Variants in MAP3K5 observed in about 807,000 individuals in gnomAD.
MAP3K5 encodes the protein mitogen-activated protein kinase kinase kinase 5, also known as ASK-1.
In MAP3K5, 56 loss-of-function variants were observed where a neutral mutation model predicts 158.7. The observed-to-expected ratio is 0.35, with a 90% CI of 0.28 to 0.44. MAP3K5 has a LOEUF of 0.44. MAP3K5 is among the 20% of genes least tolerant of loss of function. The pLI is 1.00. For synonymous variants in MAP3K5, 579 were observed against 601.7 expected, an observed-to-expected ratio of 0.96 and a Z score of 0.55; for missense variants, 1,294 against 1,674.8, an observed-to-expected ratio of 0.77 and a Z score of 3.97.
At chr6:136,665,046 G>A (rs368977000) in intron 8 of MAP3K5, among the ~76,000 whole-genome samples, 1 of 152,190 alleles carries the variant, frequency 6.6e-6, no homozygotes, top group East Asian at 1.9e-4. Context: ...TACAAGGATG[G>A]ATCACTGACA....
intron 7 of MAP3K5, among the ~76,000 whole-genome samples, chr6:136,682,539 C>T (rs1023065895): frequency 6.6e-6 from 1 of 152,190 alleles, no homozygotes; most frequent in South Asian, 2.1e-4. Flanking sequence ...AGCACTGTCA[C>T]TGACGTAAAA....
rs1282408589 is a variant in MAP3K5, at chr6:136,558,783, A to G, written c.4064+17T>C. Reference sequence around the variant, plus strand: ...CTGGTGCTCTTTCCATAGTGACAACAGAAAGAAAAGTGGTACCTTAGTCTC... The same window carrying G: ...CTGGTGCTCTTTCCATAGTGACAACGGAAAGAAAAGTGGTACCTTAGTCTC... On this transcript the variant is annotated intron_variant, in intron 29 of 29. Transcript: ENST00000359015. 1 of 1,504,386 alleles carries G rather than the reference A, an allele frequency of 6.6e-7. No homozygotes were observed. Among genetic ancestry groups the G allele is most frequent in the African/African-American group, 1.4e-5 (1 of 72,708 alleles). The allele number at this position is 1,504,386 out of a possible 1,614,324, so 93.2% of individuals were successfully genotyped here. A position where few individuals can be genotyped will look rare whatever the true frequency, so the allele number is the denominator to read the frequency against.
chr6:136,779,057 T>G (rs1427587442), intron 1 of MAP3K5, among the ~76,000 whole-genome samples: 1 of 152,076 alleles, frequency 6.6e-6, no homozygotes, highest in African/African-American at 2.4e-5. Context: ...CCCAGCACTT[T>G]GAGAGGCCAA....
At chr6:136,615,075 AGTACTGTAAAGCT>A (rs1776506157) in intron 15 of MAP3K5, among the ~76,000 whole-genome samples, 1 of 152,216 alleles carries the variant, frequency 6.6e-6, no homozygotes, top group Non-Finnish European at 1.5e-5. Context: ...GATTATTGGA[AGTACTGTAAAGCT>A]TTATAGACTC....
At chr6:136,673,928 C>T (rs566805394) in intron 7 of MAP3K5, among the ~76,000 whole-genome samples, 2 of 151,976 alleles carry the variant, frequency 1.3e-5, no homozygotes, top group East Asian at 3.9e-4. Flanking sequence ...AAAACTCAAG[C>T]AGGATAAAAT....
At chr6:136,723,422 A>T (rs1482755498) in intron 1 of MAP3K5, among the ~76,000 whole-genome samples, 2 of 152,190 alleles carry the variant, frequency 1.3e-5, no homozygotes, top group Non-Finnish European at 2.9e-5. Flanking sequence ...GTTTACATTC[A>T]TGTATATATC....
At chr6:136,781,722 T>C (rs1390550970) in intron 1 of MAP3K5, among the ~76,000 whole-genome samples, 26 of 152,336 alleles carry the variant, frequency 1.7e-4, no homozygotes, top group East Asian at 1.9e-4. Context: ...AACTGATTCA[T>C]TGATACTATC....
intron 15 of MAP3K5, 108 bp downstream of exon 15, chr6:136,622,740 T>C (rs1776864399): frequency 8.2e-7 from 1 of 1,218,752 alleles, no homozygotes; most frequent in Non-Finnish European, 1.2e-6. Flanking sequence ...ATTCACAGAG[T>C]GAAGTTTTCA....
At chr6:136,791,309 G>A (rs781384750) in intron 1 of MAP3K5, among the ~76,000 whole-genome samples, 4 of 152,148 alleles carry the variant, frequency 2.6e-5, no homozygotes, top group Non-Finnish European at 4.4e-5. Flanking sequence ...CAGAGAAAAG[G>A]AGAACCTCAT....
At chr6:136,701,660 A>G (rs1459968766) in intron 3 of MAP3K5, among the ~76,000 whole-genome samples, 1 of 152,244 alleles carries the variant, frequency 6.6e-6, no homozygotes, top group East Asian at 1.9e-4. Context: ...GCTGCTTTCC[A>G]AAGCATCTAA....
At chr6:136,792,694 G>C (rs1785143269), upstream of MAP3K5, among the ~76,000 whole-genome samples, 1 of 152,196 alleles carries the variant, frequency 6.6e-6, no homozygotes, top group Non-Finnish European at 1.5e-5. The surrounding 1 kb of genome is among the most constrained non-coding windows in gnomAD (Gnocchi z 5.7). Context: ...AGCAGCAGCG[G>C]CAGCCGAAAG....
intron 7 of MAP3K5, among the ~76,000 whole-genome samples, chr6:136,683,680 T>C (rs1313120653): frequency 1.3e-5 from 2 of 152,188 alleles, no homozygotes; most frequent in Admixed American, 6.5e-5. Context: ...TAAGGGTAAT[T>C]TGCCCAAGAT....
intron 12 of MAP3K5, 124 bp downstream of exon 12, chr6:136,642,396 T>C (rs1426186621): frequency 1.3e-6 from 1 of 752,504 alleles, no homozygotes; most frequent in Non-Finnish European, 2.3e-6. Flanking sequence ...GCTGGGCATT[T>C]CCACCAATTG....
At chr6:136,628,286 T>C (rs1009362988) in intron 14 of MAP3K5, among the ~76,000 whole-genome samples, 4 of 152,266 alleles carry the variant, frequency 2.6e-5, no homozygotes, top group South Asian at 2.1e-4. Context: ...TAATTTTTTC[T>C]ATTTTTTGTA....
intron 2 of MAP3K5, among the ~76,000 whole-genome samples, chr6:136,707,559 G>GTT (rs989173654): frequency 1.7e-5 from 2 of 116,838 alleles, no homozygotes; most frequent in Admixed American, 1.6e-4. Context: ...GAGGTACTTG[G>GTT]GGGGGGGGGG....
intron 11 of MAP3K5, among the ~76,000 whole-genome samples, chr6:136,650,435 A>T (rs563594640): frequency 1.2e-4 from 18 of 152,350 alleles, no homozygotes; most frequent in African/African-American, 4.1e-4. Flanking sequence ...GACTGCTATG[A>T]GCGGAAGTGA....
At chr6:136,665,113 A>G (rs574053714) in intron 8 of MAP3K5, among the ~76,000 whole-genome samples, 102 of 152,292 alleles carry the variant, frequency 6.7e-4, no homozygotes, top group African/African-American at 2.5e-3. Context: ...CAAGTTATCT[A>G]TGAGTTAGCT....
At chr6:136,614,501 T>C (rs751038312) in intron 15 of MAP3K5, among the ~76,000 whole-genome samples, 72 of 152,228 alleles carry the variant, frequency 4.7e-4, no homozygotes, top group African/African-American at 1.4e-4. Flanking sequence ...GCCAGTTGTA[T>C]ACATTAATTC....
At chr6:136,747,587 C>T (rs187861426) in intron 1 of MAP3K5, among the ~76,000 whole-genome samples, 47 of 152,298 alleles carry the variant, frequency 3.1e-4, no homozygotes, top group Admixed American at 2.7e-3. Context: ...GTGTCTTTTG[C>T]AAGACTGGCA....
Sources: gnomAD v4.1 joint callset for allele counts (sites outside exome capture counted in the v4.1 genomes callset) on GRCh38, gnomAD v4.1.1 for gene constraint, Gnocchi (gnomAD v3.1) non-coding constraint, MANE v1.5 for transcripts, NCBI Gene and HGNC (gene_info 2026-07-23, HGNC 2026-07-21) for gene names.